The following ANKRD29 variants were observed in gnomAD, a reference collection of about 807,000 sequenced individuals.
The protein encoded by ANKRD29 is ankyrin repeat domain 29, also known as ankyrin repeat domain-containing protein 29.
A neutral mutation model predicts 38.0 loss-of-function variants in ANKRD29; 32 were observed. The ratio of observed to expected loss-of-function variants is 0.84; its 90% confidence interval spans 0.64 to 1.13. ANKRD29 has a LOEUF of 1.13. Among genes scored for constraint, ANKRD29 ranks in the 50% most tolerant of loss-of-function variants. The pLI is 0.00. For synonymous variants in ANKRD29, 135 were observed against 152.4 expected, an observed-to-expected ratio of 0.89 and a Z score of 0.84; for missense variants, 357 against 377.9, an observed-to-expected ratio of 0.94 and a Z score of 0.46.
chr18:23,607,453 A>G (rs1599056668), intron 9 of ANKRD29, among the ~76,000 whole-genome samples: 1 of 152,078 alleles, frequency 6.6e-6, no homozygotes, highest in Non-Finnish European at 1.5e-5. Flanking sequence ...AGTTAGAGGA[A>G]CCTCTACAGT....
chr18:23,646,184 C>T lies in ANKRD29; in HGVS notation c.231+5G>A. On this transcript the variant is annotated splice_donor_5th_base_variant and intron_variant, in intron 3 of 9. Transcript: ENST00000592179. ...ATTTTTCTTCAAGTGCAAAGCCTGA[C>T]CTACCTCTCTCTGGAGATTGATGTC... 1 of 1,613,964 alleles carries T rather than the reference C, an allele frequency of 6.2e-7. No homozygotes were observed. The highest frequency in any genetic ancestry group is 8.5e-7 in the Non-Finnish European group (1 of 1,179,924).
intron 3 of ANKRD29, among the ~76,000 whole-genome samples, chr18:23,641,742 A>G (rs539914623): frequency 3.5e-4 from 54 of 152,356 alleles, no homozygotes; most frequent in African/African-American, 1.3e-3. Context: ...CCTCTGACTC[A>G]GCCAGATTCA....
At chr18:23,646,009 A>C (rs2060134713) in intron 3 of ANKRD29, among the ~76,000 whole-genome samples, 180 bp downstream of exon 3, 1 of 152,230 alleles carries the variant, frequency 6.6e-6, no homozygotes, top group Non-Finnish European at 1.5e-5. Flanking sequence ...GGCTACGCTC[A>C]AATGCATTAT....
At chr18:23,616,958 C>T (rs1568014260) in intron 8 of ANKRD29, among the ~76,000 whole-genome samples, 1 of 151,918 alleles carries the variant, frequency 6.6e-6, no homozygotes. Context: ...GTGGCTCATG[C>T]CAGTAATCCC....
At chr18:23,654,618 CAA>C (rs1167970950) in intron 1 of ANKRD29, among the ~76,000 whole-genome samples, 1,236 of 50,296 alleles carry the variant, frequency 0.025, 9 homozygotes, top group African/African-American at 0.071. Context: ...GACTCTGTCT[CAA>C]AAAAAAAAAA....
chr18:23,609,049 G>A (rs1385410577), intron 9 of ANKRD29, among the ~76,000 whole-genome samples: 5 of 151,572 alleles, frequency 3.3e-5, no homozygotes, highest in African/African-American at 9.7e-5. Flanking sequence ...AGCTGAGATC[G>A]CACCATTGCA....
chr18:23,613,685 T>C (rs1024867174), intron 8 of ANKRD29, among the ~76,000 whole-genome samples: 3 of 150,926 alleles, frequency 2.0e-5, no homozygotes, highest in Non-Finnish European at 4.4e-5. Flanking sequence ...CTGCAAGCTC[T>C]GCCTCCCGGG....
chr18:23,628,354 C>A (rs73967127), intron 6 of ANKRD29, among the ~76,000 whole-genome samples: 2,340 of 152,178 alleles, frequency 0.015, 68 homozygotes, highest in African/African-American at 0.054. Context: ...ACCAGAGAAA[C>A]CTGTGTCCAA....
At chr18:23,601,419 C>T in intron 9 of ANKRD29, 110 bp from the exon 10 acceptor site, 1 of 750,642 alleles carries the variant, frequency 1.3e-6, no homozygotes, top group Non-Finnish European at 2.3e-6. Context: ...TGAAAAAAAT[C>T]CACACTGGAC....
At chr18:23,605,503 TCA>T (rs1599053341) in intron 9 of ANKRD29, among the ~76,000 whole-genome samples, 1 of 151,580 alleles carries the variant, frequency 6.6e-6, no homozygotes, top group East Asian at 1.9e-4. Context: ...TGCCCCGCCA[TCA>T]CACAGAATTT....
chr18:23,662,234 C>T (rs1342822194), intron 1 of ANKRD29, among the ~76,000 whole-genome samples: 1 of 152,218 alleles, frequency 6.6e-6, no homozygotes, highest in Admixed American at 6.5e-5. Context: ...CTTTAATCAA[C>T]TCTTTTGAGA....
chr18:23,601,031 G>A lies in ANKRD29; in HGVS notation c.*195C>T. 1 of 520,170 alleles carries A rather than the reference G, an allele frequency of 1.9e-6. No homozygotes were observed. The highest frequency in any genetic ancestry group is 3.4e-6 in the Non-Finnish European group (1 of 291,244). 32.2% of individuals were successfully genotyped at this position (520,170 alleles called of 1,614,324 possible). A position where few individuals can be genotyped will look rare whatever the true frequency, so the allele number is the denominator to read the frequency against. On this transcript the variant is annotated 3_prime_UTR_variant, in exon 10 of 10. Transcript: ENST00000592179. ...CACCATGAGAAGTCCATGGTGAAGG[G>A]GCAAGAGGGTCCCTGAGCTGTTTGG... is the stretch of plus-strand genomic sequence containing the variant.
Position 23,648,553 on chromosome 18 carries a change from G to T in ANKRD29, c.132+530C>A, listed in dbSNP as rs540074782. 6 of 203,990 alleles carry T rather than the reference G, an allele frequency of 2.9e-5. No individual in the cohort carries two copies. The East Asian group carries it at 5.1e-4, about 17-fold the overall frequency. The allele number at this position is 203,990 out of a possible 1,614,324, so 12.6% of individuals were successfully genotyped here. A position where few individuals can be genotyped will look rare whatever the true frequency, so the allele number is the denominator to read the frequency against. ...ATTGCCTCTAGCTGGGGATGGAAAA[G>T]CTCTCTAAGTGGTATCTGCCAGTGG... On this transcript the variant is annotated intron_variant, in intron 2 of 9. Transcript: ENST00000592179.
intron 6 of ANKRD29, among the ~76,000 whole-genome samples, chr18:23,628,334 G>A (rs1334457543): frequency 6.6e-6 from 1 of 152,036 alleles, no homozygotes; most frequent in Non-Finnish European, 1.5e-5. Flanking sequence ...ATGTGCTTGG[G>A]CTTCTAAAGA....
chr18:23,610,197 G>A (rs1436679679), intron 9 of ANKRD29, among the ~76,000 whole-genome samples: 2 of 152,154 alleles, frequency 1.3e-5, no homozygotes, highest in Admixed American at 6.5e-5. Context: ...GTAGTTTATG[G>A]CTGGGCGCAG....
chr18:23,637,195 A>G (rs2145702639), intron 4 of ANKRD29, among the ~76,000 whole-genome samples: 1 of 152,314 alleles, frequency 6.6e-6, no homozygotes, highest in Non-Finnish European at 1.5e-5. Context: ...CAAAGAGTTG[A>G]GATTTAGGTT....
At chr18:23,621,582 T>C (rs551458368) in intron 6 of ANKRD29, among the ~76,000 whole-genome samples, 3 of 152,188 alleles carry the variant, frequency 2.0e-5, no homozygotes, top group East Asian at 1.9e-4. Context: ...CATGAGCAAT[T>C]TGTACTTTAA....
In ANKRD29 at chr18:23,633,971, G is replaced by T. The variant is rs1322625372; in HGVS notation, c.429+80C>A. 1.3e-5 allele frequency: 18 copies of T among 1,381,720 alleles called. No individual in the cohort carries two copies. In the Admixed American group the frequency reaches 3.2e-4, roughly 24 times the overall value. The allele number at this position is 1,381,720 out of a possible 1,614,324, so 85.6% of individuals were successfully genotyped here. A position where few individuals can be genotyped will look rare whatever the true frequency, so the allele number is the denominator to read the frequency against. On this transcript the variant is annotated intron_variant, in intron 5 of 9. Transcript: ENST00000592179. ...TGTCCATTAAAGTATTTTTGAAGTT[G>T]GCATTTCTGGCATCTGAATTTAGAC...
intron 3 of ANKRD29, among the ~76,000 whole-genome samples, chr18:23,645,518 G>A (rs1172279988): frequency 6.6e-6 from 1 of 152,152 alleles, no homozygotes; most frequent in Non-Finnish European, 1.5e-5. Context: ...GAGGTTGCAT[G>A]AGCCGAGGTT....
Sources: gnomAD v4.1 joint callset for allele counts (sites outside exome capture counted in the v4.1 genomes callset) on GRCh38, gnomAD v4.1.1 for gene constraint, MANE v1.5 for transcripts, NCBI Gene and HGNC (gene_info 2026-07-23, HGNC 2026-07-21) for gene names.